Variants in ILDR2 observed in about 807,000 individuals in gnomAD.
ILDR2 encodes immunoglobulin-like domain-containing receptor 2.
ILDR2 carries 25 observed loss-of-function variants against 66.8 expected under a neutral mutation model. That is an observed-to-expected ratio of 0.37 (90% CI 0.27 to 0.52). The LOEUF is 0.52. Among genes scored for constraint, ILDR2 ranks in the 20% least tolerant of loss-of-function variants. ILDR2 has a pLI of 0.88. For missense variants in ILDR2, 827 were observed against 876.8 expected (o/e 0.94, Z 0.72); for synonymous variants, 367 against 357.2 (o/e 1.03, Z -0.31).
intron 3 of ILDR2, among the ~76,000 whole-genome samples, chr1:166,943,412 A>ATTAC (rs1235691914): frequency 6.6e-6 from 1 of 151,444 alleles, no homozygotes; most frequent in Admixed American, 6.6e-5. Context: ...GAATGGCGTA[A>ATTAC]ACCCGGGAGG....
intron 1 of ILDR2, among the ~76,000 whole-genome samples, chr1:166,963,590 G>A (rs1044771203): frequency 3.9e-5 from 6 of 152,114 alleles, no homozygotes; most frequent in African/African-American, 1.2e-4. Flanking sequence ...CTAGAATACC[G>A]TTTTTAAAAC....
rs1659911933 is a variant in ILDR2 at position 166,921,202 on chromosome 1, C to T, written c.1389G>A (p.Arg463=). 1 of 1,583,918 alleles carries T rather than the reference C, an allele frequency of 6.3e-7. No individual in the cohort carries two copies. Among genetic ancestry groups the T allele is most frequent in the Non-Finnish European group, 8.5e-7 (1 of 1,171,958 alleles). The change falls in exon 9 of 10, where the codon CGG becomes CGA. Residue 463 remains arginine (R), a synonymous_variant. Transcript: ENST00000271417. The surrounding 1 kb of genome is among the most constrained non-coding windows in gnomAD (Gnocchi z 5.3). ...GGSRFERSES[R]AHSGFYQDDS... ...CGTCCTGGTAGAAGCCGCTGTGCGC[C>T]CGCGACTCCGAGCGCTCGAAGCGGC...
intron 6 of ILDR2, among the ~76,000 whole-genome samples, chr1:166,931,136 G>A (rs958946815): frequency 1.3e-5 from 2 of 152,112 alleles, no homozygotes; most frequent in Admixed American, 1.3e-4. Flanking sequence ...TATTCACTTT[G>A]ATGCCAAACT....
At chr1:166,966,389 A>T (rs986686285) in intron 1 of ILDR2, among the ~76,000 whole-genome samples, 1 of 152,304 alleles carries the variant, frequency 6.6e-6, no homozygotes, top group Middle Eastern at 3.4e-3. Context: ...TAAAAACATG[A>T]TAGTGTTTTC....
intron 6 of ILDR2, among the ~76,000 whole-genome samples, chr1:166,931,855 C>T (rs1407489438): frequency 6.6e-6 from 1 of 152,118 alleles, no homozygotes. Context: ...GAAGCTGGTT[C>T]GAAGTGAAGA....
chr1:166,942,453 C>CTATT (rs2101924718), intron 3 of ILDR2, among the ~76,000 whole-genome samples: 1 of 152,268 alleles, frequency 6.6e-6, no homozygotes, highest in South Asian at 2.1e-4. Context: ...TCAGATCATC[C>CTATT]TATTTTTCAA....
chr1:166,933,602 A>C, intron 6 of ILDR2: 1 of 928,368 alleles, frequency 1.1e-6, no homozygotes, highest in Non-Finnish European at 1.3e-6. Context: ...AAAGACAGAA[A>C]ATGACAGAGA....
At chr1:166,965,158 C>A (rs1330583219) in intron 1 of ILDR2, among the ~76,000 whole-genome samples, 1 of 152,194 alleles carries the variant, frequency 6.6e-6, no homozygotes, top group Non-Finnish European at 1.5e-5. Flanking sequence ...ATTCTTTCTT[C>A]ATTCAGTATA....
chr1:166,974,162 C>A (rs112184531), intron 1 of ILDR2, among the ~76,000 whole-genome samples: 655 of 152,278 alleles, frequency 4.3e-3, no homozygotes, highest in Non-Finnish European at 7.8e-3. Flanking sequence ...TCCCTTTTCT[C>A]TCCTGCCTTC....
intron 6 of ILDR2, among the ~76,000 whole-genome samples, chr1:166,934,963 T>C (rs1660856409): frequency 6.6e-6 from 1 of 152,238 alleles, no homozygotes; most frequent in Admixed American, 6.5e-5. Context: ...CCTACACTTC[T>C]TGCAGGCCCT....
In ILDR2 at chr1:166,935,428, G is replaced by A. The variant is rs760579458; in HGVS notation, c.753C>T (p.Ser251=). 3.7e-5 allele frequency: 60 copies of A among 1,611,986 alleles called. No homozygotes were observed. The highest frequency in any genetic ancestry group is 3.1e-4 in the East Asian group (14 of 44,856). Residue 251 remains serine, a synonymous_variant, in exon 6 of 10, where the codon TCC becomes TCT. Transcript: ENST00000271417. ...AAKAGYPPSV[S]GVPGPYSIPS... is the part of the protein sequence containing the mutation. ...GGATGGAGTAAGGGCCGGGGACACC[G>A]GAGACAGAGGGAGGGTACCCGGCCT...
intron 3 of ILDR2, among the ~76,000 whole-genome samples, chr1:166,945,512 G>C (rs1051234128): frequency 3.3e-5 from 5 of 152,162 alleles, no homozygotes; most frequent in African/African-American, 1.2e-4. Flanking sequence ...TTATCCTAGG[G>C]TATTTTTGAG....
At chr1:166,956,592 T>C (rs1410914503) in intron 3 of ILDR2, 141 bp downstream of exon 3, 1 of 832,694 alleles carries the variant, frequency 1.2e-6, no homozygotes, top group African/African-American at 1.7e-5. Flanking sequence ...AAAGAGCATA[T>C]TCTAAAAGGG....
In ILDR2 at chr1:166,919,373, C is replaced by G. The variant is rs1659766986; in HGVS notation, c.1902G>C (p.Arg634Ser). Residue 634 changes from arginine (R) to serine (S), a missense_variant, in exon 10 of 10, where the codon AGG becomes AGC. Physicochemically the swap from Arg to Ser is moderately radical, Grantham distance 110. This residue lies in a region of ILDR2 where 390 missense variants were observed against 353.6 expected (regional missense o/e 1.10). Transcript: ENST00000271417. ...PAKKTNDFPT[R>S]MSLVV ...GACAACATCAGACCACAAGGGACAT[C>G]CTGGTTGGAAAGTCATTCTAGGAAA... 1 of 1,609,632 alleles carries G rather than the reference C, an allele frequency of 6.2e-7. No homozygotes were observed. Among genetic ancestry groups the G allele is most frequent in the South Asian group, 1.1e-5 (1 of 90,716 alleles).
chr1:166,948,076 A>G (rs1661743657), intron 3 of ILDR2, among the ~76,000 whole-genome samples: 1 of 152,086 alleles, frequency 6.6e-6, no homozygotes, highest in South Asian at 2.1e-4. Flanking sequence ...CGATTCAGGT[A>G]CCTAGATGAA....
intron 9 of ILDR2, among the ~76,000 whole-genome samples, chr1:166,919,620 C>A (rs1048723511): frequency 2.0e-5 from 3 of 152,160 alleles, no homozygotes; most frequent in Non-Finnish European, 4.4e-5. Context: ...CTTCTCACCC[C>A]CTTTAGGATA....
intron 3 of ILDR2, among the ~76,000 whole-genome samples, chr1:166,951,713 C>G (rs1236477689): frequency 6.6e-6 from 1 of 152,172 alleles, no homozygotes; most frequent in Non-Finnish European, 1.5e-5. Context: ...ATCTATGGAT[C>G]TTTTAAATAA....
Position 166,936,138 on chromosome 1 carries a change from G to C in ILDR2, c.703+453C>G, listed in dbSNP as rs917023367. ...CCTATTGTGGCCCATGTCATCATGG[G>C]AGTAAATAAAACAAATCTGTGGCTG... On this transcript the variant is annotated intron_variant, in intron 5 of 9. Transcript: ENST00000271417. This position sits in a 1 kb window ranked among gnomAD's most constrained non-coding sequence, Gnocchi z 5.0. Among the ~76,000 whole-genome samples, 1 of 152,136 alleles carries C rather than the reference G, an allele frequency of 6.6e-6. No homozygotes were observed. The highest frequency in any genetic ancestry group is 1.5e-5 in the Non-Finnish European group (1 of 68,030).
chr1:166,909,736 C>CATATATATAT lies in ILDR2; in HGVS notation c.*9609_*9618dup, dbSNP rs374479063. The CATATATATAT allele has an allele frequency of 1.5e-4, 15 of 100,886 alleles. No individual in the cohort carries two copies. Among genetic ancestry groups the CATATATATAT allele is most frequent in the African/African-American group, 4.8e-4 (12 of 24,940 alleles). The allele number at this position is 100,886 out of a possible 1,614,324, so 6.2% of individuals were successfully genotyped here. ...ATATATATGTGTGTGTGTATACATA[C>CATATATATAT]ATATATATATATATATATATATAAA... On this transcript the variant is annotated 3_prime_UTR_variant, in exon 10 of 10. Coordinates refer to ENST00000271417, the MANE Select transcript of ILDR2 (RefSeq NM_199351.3).
Sources: gnomAD v4.1 joint callset for allele counts (sites outside exome capture counted in the v4.1 genomes callset) on GRCh38, gnomAD v4.1.1 for gene constraint, gnomAD v4.1.1 regional missense constraint, Gnocchi (gnomAD v3.1) non-coding constraint, MANE v1.5 for transcripts, NCBI Gene and HGNC (gene_info 2026-07-23, HGNC 2026-07-21) for gene names.